TNIK: variants seen among roughly 807,000 people sequenced by gnomAD.
TNIK encodes the protein TRAF2 and NCK interacting kinase.
Under a neutral mutation model 191.3 loss-of-function variants are expected in TNIK, and 49 were observed. The observed-to-expected ratio is 0.26, with a 90% CI of 0.20 to 0.32. The LOEUF (loss-of-function observed/expected upper bound fraction) is 0.32, where lower values mean the gene tolerates loss of function less well. TNIK is among the 10% of genes least tolerant of loss of function. The probability of loss-of-function intolerance (pLI) is 1.00; values close to 1 mark genes in which losing one functional copy is unlikely to be tolerated. For synonymous variants in TNIK, 594 were observed against 600.9 expected, an observed-to-expected ratio of 0.99 and a Z score of 0.17; for missense variants, 1,155 against 1,702.3, an observed-to-expected ratio of 0.68 and a Z score of 5.66.
intron 32 of TNIK, 48 bp from the exon 33 acceptor site, chr3:171,064,012 CT>C: frequency 6.4e-7 from 1 of 1,566,262 alleles, no homozygotes; most frequent in Non-Finnish European, 8.8e-7. Flanking sequence ...GTCTTTTCCC[CT>C]CTTTTCTTCA....
chr3:171,329,098 A>T (rs1479993809), intron 2 of TNIK, among the ~76,000 whole-genome samples: 1 of 152,094 alleles, frequency 6.6e-6, no homozygotes, highest in African/African-American at 2.4e-5. Flanking sequence ...ATACACACAC[A>T]CACATACACA....
At chr3:171,174,628 C>T (rs1369602362) in intron 9 of TNIK, among the ~76,000 whole-genome samples, 5 of 67,446 alleles carry the variant, frequency 7.4e-5, no homozygotes, top group Admixed American at 4.0e-4. Flanking sequence ...TAATTTTTGC[C>T]GTACCCTCAC....
At chr3:171,241,234 TAGTC>T (rs1744949049) in intron 2 of TNIK, among the ~76,000 whole-genome samples, 1 of 152,230 alleles carries the variant, frequency 6.6e-6, no homozygotes, top group Non-Finnish European at 1.5e-5. Context: ...TTCTTCATGT[TAGTC>T]AGGCTGGTCT....
At chr3:171,310,040 T>C (rs1246778728) in intron 2 of TNIK, among the ~76,000 whole-genome samples, 2 of 152,210 alleles carry the variant, frequency 1.3e-5, no homozygotes, top group African/African-American at 4.8e-5. Flanking sequence ...CCTTACCTAT[T>C]ACTTAACTTC....
intron 28 of TNIK, among the ~76,000 whole-genome samples, chr3:171,073,350 A>G (rs1468769000): frequency 3.3e-5 from 5 of 152,142 alleles, no homozygotes; most frequent in Non-Finnish European, 5.9e-5. Flanking sequence ...ATGAAACTAG[A>G]TCCTTATCTC....
intron 1 of TNIK, among the ~76,000 whole-genome samples, chr3:171,391,586 A>G (rs2108547861): frequency 6.6e-6 from 1 of 152,298 alleles, no homozygotes; most frequent in East Asian, 1.9e-4. Context: ...GTACCCCTAG[A>G]AGTCCAAAAC....
intron 2 of TNIK, among the ~76,000 whole-genome samples, chr3:171,241,834 G>C (rs1209318641): frequency 1.3e-5 from 2 of 152,140 alleles, no homozygotes; most frequent in African/African-American, 4.8e-5. Context: ...ATACTATGCA[G>C]CCATAAAAAA....
At chr3:171,177,406 C>T in intron 7 of TNIK, 26 bp from the exon 8 acceptor site, 1 of 1,595,246 alleles carries the variant, frequency 6.3e-7, no homozygotes, top group Non-Finnish European at 8.5e-7. Flanking sequence ...CAGACACACA[C>T]ATAAATTCAG....
chr3:171,375,102 A>T (rs9829866), intron 1 of TNIK, among the ~76,000 whole-genome samples: 48,974 of 152,090 alleles, frequency 0.32, 8,517 homozygotes, highest in African/African-American at 0.44. Context: ...TCAGAACTGC[A>T]TTGAACCTCA....
At chr3:171,320,177 T>G (rs943420189) in intron 2 of TNIK, among the ~76,000 whole-genome samples, 7 of 152,170 alleles carry the variant, frequency 4.6e-5, no homozygotes, top group Non-Finnish European at 8.8e-5. Flanking sequence ...CGTTGGCCTA[T>G]TATATTTCAG....
chr3:171,439,932 T>C (rs1726558473), intron 1 of TNIK, among the ~76,000 whole-genome samples: 1 of 152,220 alleles, frequency 6.6e-6, no homozygotes, highest in African/African-American at 2.4e-5. Flanking sequence ...CATTCTACTC[T>C]TGTCTCCCAG....
At chr3:171,428,140 A>G (rs1175813462) in intron 1 of TNIK, among the ~76,000 whole-genome samples, 2 of 152,206 alleles carry the variant, frequency 1.3e-5, no homozygotes, top group African/African-American at 4.8e-5. Context: ...CTTTATTAGG[A>G]TCACTTTAGA....
At position 171,344,623 on chromosome 3, in the gene TNIK, T is replaced by G. The variant is rs1250196859; in HGVS notation, c.123+24997A>C. Among the ~76,000 whole-genome samples the G allele has an allele frequency of 3.3e-5, 5 of 152,246 alleles. No individual in the cohort carries two copies. In the South Asian group the frequency reaches 1.0e-3, roughly 32 times the overall value. ...AGAATTGTGAAAGTGACAGGCTAAG[T>G]TCTATAAACATTGCTCCAAAATATA... is the stretch of plus-strand genomic sequence containing the variant. On this transcript the variant is annotated intron_variant, in intron 2 of 32. Transcript: ENST00000436636.
At chr3:171,075,618 A>G (rs1273716018) in intron 28 of TNIK, among the ~76,000 whole-genome samples, 2 of 152,100 alleles carry the variant, frequency 1.3e-5, no homozygotes, top group African/African-American at 4.8e-5. Context: ...AAAAAAACAA[A>G]TACTTCTTAA....
rs1730664032 is a variant in TNIK at position 171,140,473 on chromosome 3, C to T, written c.1258G>A (p.Glu420Lys). The change falls in exon 13 of 33, where the codon GAG (glutamate) becomes AAG (lysine). Residue 420 changes from glutamate to lysine, a missense_variant. Physicochemically the swap from Glu to Lys is moderately conservative, Grantham distance 56 (BLOSUM62 1). This residue lies in a region of TNIK where 735 missense variants were observed against 848.0 expected (regional missense o/e 0.87). Coordinates refer to ENST00000436636, the MANE Select transcript of TNIK (RefSeq NM_015028.4). The stretch of plus-strand genomic sequence containing the variant: ...TCATAGTGCCGGCGCTGCTCCCTCT[C>T]CTGCTGCTTCCGCAGCTCCTTCTCT... ...RREKELRKQQ[E>K]REQRRHYEEQ... is the part of the protein sequence containing the mutation. 1 of 1,613,528 alleles carries T rather than the reference C, an allele frequency of 6.2e-7. No individual in the cohort carries two copies. The highest frequency in any genetic ancestry group is 8.5e-7 in the Non-Finnish European group (1 of 1,179,734).
intron 2 of TNIK, among the ~76,000 whole-genome samples, chr3:171,245,688 T>C (rs768314234): frequency 6.6e-6 from 1 of 152,206 alleles, no homozygotes; most frequent in African/African-American, 2.4e-5. Context: ...ACAGTTTACA[T>C]ATTTCTTTTC....
rs576752647 is a variant in TNIK, at chr3:171,448,432, G to A, written c.57+11575C>T. Among the ~76,000 whole-genome samples, 6 of 152,218 alleles carry A rather than the reference G, an allele frequency of 3.9e-5. No homozygotes were observed. The South Asian group carries it at 1.2e-3, about 32-fold the overall frequency. On this transcript the variant is annotated intron_variant, in intron 1 of 32. Transcript: ENST00000436636. ...ATAATGTTCATCCATGTTGCAGTGT[G>A]TATCAGCACTTCCTTTTATTGTAGA...
chr3:171,199,435 G>T (rs1195776767), intron 4 of TNIK, among the ~76,000 whole-genome samples: 1 of 152,200 alleles, frequency 6.6e-6, no homozygotes, highest in Non-Finnish European at 1.5e-5. Flanking sequence ...CTCCCTGAAA[G>T]AAAGTTCTCA....
chr3:171,284,055 G>A (rs1750757441), intron 2 of TNIK, among the ~76,000 whole-genome samples: 1 of 152,140 alleles, frequency 6.6e-6, no homozygotes, highest in Admixed American at 6.5e-5. Flanking sequence ...AGCATCACCT[G>A]TTAACTTGCT....
Sources: gnomAD v4.1 joint callset for allele counts (sites outside exome capture counted in the v4.1 genomes callset) on GRCh38, gnomAD v4.1.1 for gene constraint, gnomAD v4.1.1 regional missense constraint, MANE v1.5 for transcripts, NCBI Gene and HGNC (gene_info 2026-07-23, HGNC 2026-07-21) for gene names.